The following CPEB3 variants were observed in gnomAD, a reference collection of about 807,000 sequenced individuals.
CPEB3 encodes cytoplasmic polyadenylation element-binding protein 3.
Under a neutral mutation model 67.2 loss-of-function variants are expected in CPEB3, and 20 were observed. The ratio of observed to expected loss-of-function variants is 0.30; its 90% CI spans 0.21 to 0.43. The LOEUF (loss-of-function observed/expected upper bound fraction) is 0.43. Among genes scored for constraint, CPEB3 ranks in the 20% least tolerant of loss-of-function variants. CPEB3 has a pLI of 1.00. For synonymous variants in CPEB3, 376 were observed against 393.1 expected (o/e 0.96, Z 0.51); for missense variants, 746 against 968.6 (o/e 0.77, Z 3.05).
chr10:92,135,210 C>T (rs1184195017), intron 6 of CPEB3, among the ~76,000 whole-genome samples: 1 of 152,130 alleles, frequency 6.6e-6, no homozygotes, highest in African/African-American at 2.4e-5. Flanking sequence ...AAGAAACTAC[C>T]ATCAGAGTGA....
chr10:92,223,853 A>G (rs1375023093), intron 2 of CPEB3, among the ~76,000 whole-genome samples: 1 of 151,788 alleles, frequency 6.6e-6, no homozygotes, highest in East Asian at 1.9e-4. Context: ...GATTCAAGCA[A>G]TTCTCCTGCC....
At chr10:92,086,677 T>C (rs960137097) in intron 8 of CPEB3, among the ~76,000 whole-genome samples, 4 of 152,230 alleles carry the variant, frequency 2.6e-5, no homozygotes, top group Non-Finnish European at 4.4e-5. Flanking sequence ...TTTAGTTTTG[T>C]CCAGGGTTCT....
chr10:92,170,786 A>G (rs1316548170), intron 4 of CPEB3, among the ~76,000 whole-genome samples: 1 of 152,190 alleles, frequency 6.6e-6, no homozygotes, highest in African/African-American at 2.4e-5. Flanking sequence ...ATACTGATCA[A>G]TCTGTCCAAT....
At chr10:92,114,883 A>G (rs1844927776) in intron 6 of CPEB3, among the ~76,000 whole-genome samples, 1 of 152,274 alleles carries the variant, frequency 6.6e-6, no homozygotes, top group Non-Finnish European at 1.5e-5. Context: ...AAGTCATGTG[A>G]GTATTGATTT....
chr10:92,084,194 A>C (rs1843277847), intron 8 of CPEB3, among the ~76,000 whole-genome samples: 1 of 150,618 alleles, frequency 6.6e-6, no homozygotes, highest in Non-Finnish European at 1.5e-5. Flanking sequence ...AATCTTCAGG[A>C]TCTCCTGATG....
intron 6 of CPEB3, among the ~76,000 whole-genome samples, chr10:92,114,534 T>C (rs915814198): frequency 6.6e-6 from 1 of 152,232 alleles, no homozygotes; most frequent in African/African-American, 2.4e-5. Flanking sequence ...TTAGTAGCTA[T>C]GTGATAATAA....
intron 1 of CPEB3, among the ~76,000 whole-genome samples, chr10:92,267,677 G>A (rs1853123109): frequency 6.6e-6 from 1 of 152,190 alleles, no homozygotes; most frequent in African/African-American, 2.4e-5. Context: ...TGAGTGTGAT[G>A]ATGGTGGCAG....
intron 2 of CPEB3, among the ~76,000 whole-genome samples, chr10:92,227,832 C>A (rs1851058866): frequency 6.6e-6 from 1 of 151,836 alleles, no homozygotes; most frequent in Non-Finnish European, 1.5e-5. Context: ...ACCTCGTGAT[C>A]CACCCGCCTT....
intron 1 of CPEB3, among the ~76,000 whole-genome samples, chr10:92,242,291 C>T (rs1019877376): frequency 1.3e-5 from 2 of 152,178 alleles, no homozygotes; most frequent in African/African-American, 4.8e-5. Context: ...TAATATACAA[C>T]ACAGATTGCC....
At chr10:92,136,237 A>C (rs1421753091) in intron 6 of CPEB3, among the ~76,000 whole-genome samples, 2 of 152,112 alleles carry the variant, frequency 1.3e-5, no homozygotes, top group African/African-American at 4.8e-5. Flanking sequence ...CAAACAAACA[A>C]ACAAAAACAC....
chr10:92,228,329 G>A (rs1851086653), intron 2 of CPEB3, among the ~76,000 whole-genome samples: 1 of 151,990 alleles, frequency 6.6e-6, no homozygotes, highest in Non-Finnish European at 1.5e-5. Flanking sequence ...AACTTTACTG[G>A]TTTTCACTAT....
At chr10:92,175,146 A>G (rs906869791) in intron 4 of CPEB3, among the ~76,000 whole-genome samples, 30 of 151,784 alleles carry the variant, frequency 2.0e-4, no homozygotes, top group African/African-American at 7.3e-4. Flanking sequence ...AAAGAAGACA[A>G]TGTTACTACA....
At chr10:92,283,200 A>G (rs954766844) in intron 1 of CPEB3, among the ~76,000 whole-genome samples, 1 of 152,118 alleles carries the variant, frequency 6.6e-6, no homozygotes, top group Non-Finnish European at 1.5e-5. Context: ...ACAGTGAGCC[A>G]TGATTTCACC....
intron 9 of CPEB3, among the ~76,000 whole-genome samples, chr10:92,070,345 A>T (rs1185876467): frequency 6.6e-6 from 1 of 152,232 alleles, no homozygotes; most frequent in Non-Finnish European, 1.5e-5. Context: ...TTTTAAATAA[A>T]ATAGATAATA....
chr10:92,261,494 C>T (rs986297551), intron 1 of CPEB3, among the ~76,000 whole-genome samples: 1 of 152,136 alleles, frequency 6.6e-6, no homozygotes, highest in African/African-American at 2.4e-5. Flanking sequence ...TGTGCCCAGG[C>T]TGGAGTGCAA....
intron 6 of CPEB3, among the ~76,000 whole-genome samples, chr10:92,142,028 A>T (rs1041093065): frequency 1.7e-4 from 25 of 150,086 alleles, no homozygotes; most frequent in African/African-American, 6.2e-4. Flanking sequence ...AAAAAAAAAA[A>T]CAAATAAAAA....
At position 92,261,668 on chromosome 10, in the gene CPEB3, C is replaced by T. The variant is rs190422686; in HGVS notation, c.-11-21307G>A. On this transcript the variant is annotated intron_variant, in intron 1 of 9. Transcript: ENST00000265997. ...TTCACCATGTTGGTCAGGCTGGTCT[C>T]GAACTCCTGACCTCAGGTGATCCAC... Among the ~76,000 whole-genome samples, 7 of 152,230 alleles carry T rather than the reference C, an allele frequency of 4.6e-5. No individual in the cohort carries two copies. In the East Asian group the frequency reaches 1.2e-3, roughly 25 times the overall value.
rs868047298 is a variant in CPEB3, at chr10:92,239,854, G to T, written c.497C>A (p.Pro166Gln). Reference protein sequence around the residue: ...GLAQTQHHQQPPPPAPAPQPA... With the variant: ...GLAQTQHHQQQPPPAPAPQPA... ...CTGCGGCGCGGGCGCAGGCGGCGGC[G>T]GCTGCTGGTGGTGCTGGGTCTGCGC... Residue 166 changes from proline to glutamine, a missense_variant, in exon 2 of 10, where the codon CCG (proline) becomes CAG (glutamine). Physicochemically the swap from Pro to Gln is moderately conservative, Grantham distance 76. Around this residue, in one of 2 missense-constraint regions of CPEB3, gnomAD observed 643 missense variants for 717.5 expected, o/e 0.90. Transcript: ENST00000265997. This position sits in a 1 kb window ranked among gnomAD's most constrained non-coding sequence, Gnocchi z 6.0. 1 of 1,537,166 alleles carries T rather than the reference G, an allele frequency of 6.5e-7. No individual in the cohort carries two copies. The highest frequency in any genetic ancestry group is 2.5e-5 in the East Asian group (1 of 39,580).
At chr10:92,108,900 C>T (rs1844598950) in intron 7 of CPEB3, among the ~76,000 whole-genome samples, 2 of 152,184 alleles carry the variant, frequency 1.3e-5, no homozygotes, top group Non-Finnish European at 2.9e-5. Context: ...CCATCTGACC[C>T]CTACTGCTGC....
Sources: allele counts gnomAD v4.1 joint callset (sites outside exome capture counted in the v4.1 genomes callset), GRCh38; gene constraint gnomAD v4.1.1; regional missense constraint gnomAD v4.1.1; non-coding constraint Gnocchi (gnomAD v3.1); transcripts MANE v1.5; gene names NCBI Gene and HGNC (gene_info 2026-07-23, HGNC 2026-07-21).